The following HTR2C variants were observed in gnomAD, a reference collection of about 807,000 sequenced individuals.
The protein encoded by HTR2C is 5-hydroxytryptamine (serotonin) receptor 2C, G protein-coupled.
In HTR2C, 5 loss-of-function variants were observed where a neutral mutation model predicts 21.0. That is an observed-to-expected ratio of 0.24 (90% CI 0.12 to 0.50). The LOEUF (loss-of-function observed/expected upper bound fraction) is 0.50, where lower values mean the gene tolerates loss of function less well. Ranked by LOEUF, HTR2C falls within the 20% of genes least tolerant of loss-of-function variation. The pLI is 0.98. For synonymous variants in HTR2C, 150 were observed against 145.3 expected, an observed-to-expected ratio of 1.03 and a Z score of -0.23; for missense variants, 271 against 371.2, an observed-to-expected ratio of 0.73 and a Z score of 2.22.
chrX:114,727,333 C>G (rs782537699), intron 3 of HTR2C, among the ~76,000 whole-genome samples: 1 of 111,400 alleles, frequency 9.0e-6, no homozygotes, highest in Admixed American at 9.6e-5. Context: ...GAATGAAATG[C>G]CTCTGGTTTT....
intron 2 of HTR2C, among the ~76,000 whole-genome samples, chrX:114,633,113 T>A (rs1556404592): frequency 9.0e-6 from 1 of 111,140 alleles, no homozygotes; most frequent in African/African-American, 3.3e-5. Context: ...TGTGGATAGG[T>A]CAGAATCTGT....
At chrX:114,701,394 C>G (rs1385948644) in intron 2 of HTR2C, among the ~76,000 whole-genome samples, 1 of 111,125 alleles carries the variant, frequency 9.0e-6, no homozygotes, top group Non-Finnish European at 1.9e-5. Flanking sequence ...CAGCAGCATT[C>G]ACGGTTCACA....
At chrX:114,743,064 A>AT (rs2069667313) in intron 4 of HTR2C, among the ~76,000 whole-genome samples, 1 of 74,333 alleles carries the variant, frequency 1.3e-5, no homozygotes, top group Non-Finnish European at 2.5e-5. Flanking sequence ...TGAACTCATC[A>AT]TTTTTTATGG....
At chrX:114,648,332 C>T (rs1017684475) in intron 2 of HTR2C, among the ~76,000 whole-genome samples, 1 of 111,384 alleles carries the variant, frequency 9.0e-6, no homozygotes, top group Non-Finnish European at 1.9e-5. Context: ...CCTGCTTCTG[C>T]TGTTTTCTTA....
Position 114,704,274 on chromosome X carries a change from C to T in HTR2C, c.-79-22584C>T, listed in dbSNP as rs781968075. 5.4e-5 allele frequency among the ~76,000 whole-genome samples: 6 copies of T among 111,325 alleles called. No individual in the cohort carries two copies. In the East Asian group the frequency reaches 1.4e-3, roughly 26 times the overall value. ...ACAACCAAAAAAGAGAATTTTAGACCGATATCCTTGATGAACATTGATGCA... is the reference window on the plus strand; with the variant it reads ...ACAACCAAAAAAGAGAATTTTAGACTGATATCCTTGATGAACATTGATGCA... On this transcript the variant is annotated intron_variant, in intron 2 of 5. Coordinates refer to ENST00000276198, the MANE Select transcript of HTR2C (RefSeq NM_000868.4).
intron 4 of HTR2C, among the ~76,000 whole-genome samples, chrX:114,828,000 G>A (rs782490624): frequency 3.6e-5 from 4 of 109,995 alleles, no homozygotes; most frequent in Middle Eastern, 4.3e-3. Flanking sequence ...CCCAAATGCG[G>A]CATGTTTTGG....
chrX:114,643,246 CT>C (rs34506256), intron 2 of HTR2C, among the ~76,000 whole-genome samples: 43 of 102,707 alleles, frequency 4.2e-4, no homozygotes, highest in Admixed American at 6.3e-4. Context: ...TTTGCCATTA[CT>C]TTTTTTTTTT....
chrX:114,771,082 G>A (rs782287147), intron 4 of HTR2C, among the ~76,000 whole-genome samples: 35 of 111,314 alleles, frequency 3.1e-4, no homozygotes, highest in African/African-American at 1.1e-3. Context: ...GATTACAGGC[G>A]TGAACCACCA....
At chrX:114,807,409 C>T (rs1213232718) in intron 4 of HTR2C, among the ~76,000 whole-genome samples, 2 of 95,961 alleles carry the variant, frequency 2.1e-5, no homozygotes, top group Non-Finnish European at 4.2e-5. Context: ...CATATATATA[C>T]GCCATATCTA....
At chrX:114,828,834 C>A (rs1360918226) in intron 4 of HTR2C, among the ~76,000 whole-genome samples, 2 of 112,128 alleles carry the variant, frequency 1.8e-5, no homozygotes, top group African/African-American at 6.5e-5. Context: ...AATATGTGAT[C>A]TTTTGCATCT....
At chrX:114,855,486 A>G (rs976949394) in intron 5 of HTR2C, among the ~76,000 whole-genome samples, 3 of 110,935 alleles carry the variant, frequency 2.7e-5, no homozygotes, top group Non-Finnish European at 5.7e-5. Flanking sequence ...TCTCCCAGAG[A>G]TGAATAGACA....
chrX:114,807,450 ATATATACG>A (rs1556450860), intron 4 of HTR2C, among the ~76,000 whole-genome samples: 1 of 35,358 alleles, frequency 2.8e-5, no homozygotes, highest in African/African-American at 7.7e-5. Context: ...TATATACCAT[ATATATACG>A]CCATATATAT....
At chrX:114,671,753 T>C in intron 2 of HTR2C, among the ~76,000 whole-genome samples, 1 of 112,384 alleles carries the variant, frequency 8.9e-6, no homozygotes, top group Non-Finnish European at 1.9e-5. Flanking sequence ...ATGTGGACTA[T>C]TATTTTTAAG....
intron 2 of HTR2C, among the ~76,000 whole-genome samples, chrX:114,643,765 A>G (rs782542081): frequency 8.9e-6 from 1 of 111,909 alleles, no homozygotes; most frequent in Non-Finnish European, 1.9e-5. Flanking sequence ...AGTAGAAACA[A>G]AAAGTTTCTC....
chrX:114,806,749 TACACCATATATATAC>T (rs1194535117), intron 4 of HTR2C, among the ~76,000 whole-genome samples: 3,585 of 12,356 alleles, frequency 0.29, 233 homozygotes, highest in African/African-American at 0.42. Context: ...ACCATATATA[TACACCATATATATAC>T]ACACCATATA....
chrX:114,617,953 T>A lies in HTR2C; in HGVS notation c.-80+4072T>A, dbSNP rs1929013584. ...TAGAAGAGAGGTACTCAATCAGGAA[T>A]GCATTTTAGTAAATGAACATACACA... is the stretch of plus-strand genomic sequence containing the variant. On this transcript the variant is annotated intron_variant, in intron 2 of 5. Coordinates refer to ENST00000276198, the MANE Select transcript of HTR2C (RefSeq NM_000868.4). 2.7e-5 allele frequency among the ~76,000 whole-genome samples: 3 copies of A among 111,985 alleles called. No homozygotes were observed. In the Admixed American group the frequency reaches 2.9e-4, roughly 11 times the overall value.
intron 4 of HTR2C, among the ~76,000 whole-genome samples, chrX:114,837,532 G>C (rs1225320124): frequency 2.7e-5 from 3 of 111,290 alleles, no homozygotes; most frequent in Non-Finnish European, 3.8e-5. Flanking sequence ...TTTTGTCACT[G>C]TTGCAAATAG....
chrX:114,845,991 C>G, intron 4 of HTR2C, among the ~76,000 whole-genome samples: 1 of 110,257 alleles, frequency 9.1e-6, no homozygotes, highest in Middle Eastern at 4.6e-3. Context: ...CTAGCCCAGA[C>G]AACAGAGCAA....
chrX:114,611,031 A>G (rs782291980), intron 1 of HTR2C, among the ~76,000 whole-genome samples: 88 of 112,110 alleles, frequency 7.8e-4, no homozygotes, highest in African/African-American at 2.8e-3. Context: ...TCTTGGAGAA[A>G]TTTTTTTAAA....
Sources: gnomAD v4.1 joint callset for allele counts (sites outside exome capture counted in the v4.1 genomes callset) on GRCh38, gnomAD v4.1.1 for gene constraint, MANE v1.5 for transcripts, NCBI Gene and HGNC (gene_info 2026-07-23, HGNC 2026-07-21) for gene names.